Variants in CBLN2 observed in about 807,000 individuals in gnomAD.
CBLN2 encodes the protein cerebellin 2 precursor, also known as cerebellin-2.
Under a neutral mutation model 15.0 loss-of-function variants are expected in CBLN2, and 7 were observed. The observed-to-expected ratio is 0.47, with a 90% CI of 0.27 to 0.88. The LOEUF (loss-of-function observed/expected upper bound fraction) is 0.88, where lower values mean the gene tolerates loss of function less well. Ranked by LOEUF, CBLN2 falls within the 40% of genes least tolerant of loss-of-function variation. CBLN2 has a pLI of 0.14. For synonymous variants in CBLN2, 149 were observed against 135.2 expected, an observed-to-expected ratio of 1.10 and a Z score of -0.71; for missense variants, 242 against 304.5, an observed-to-expected ratio of 0.79 and a Z score of 1.53.
chr18:72,597,616 C>T (rs1251144521), intron 1 of CBLN2, among the ~76,000 whole-genome samples: 1 of 152,200 alleles, frequency 6.6e-6, no homozygotes, highest in African/African-American at 2.4e-5. Flanking sequence ...GGCTCATGTC[C>T]TTCTCTTCAG....
exon 1 of CBLN2, chr18:72,638,477 C>T (rs1043869425): frequency 2.3e-5 from 9 of 396,138 alleles, no homozygotes; most frequent in South Asian, 1.4e-4. Context: ...CACTGACGGA[C>T]GCAAAGTCCT....
chr18:72,606,978 A>G (rs1199137262), intron 1 of CBLN2, among the ~76,000 whole-genome samples: 1 of 152,220 alleles, frequency 6.6e-6, no homozygotes, highest in African/African-American at 2.4e-5. Context: ...TAATCCCCAG[A>G]ACCTTGGAAT....
At chr18:72,589,640 A>G (rs115333196) in intron 1 of CBLN2, among the ~76,000 whole-genome samples, 43 of 152,348 alleles carry the variant, frequency 2.8e-4, no homozygotes, top group African/African-American at 1.0e-3. Flanking sequence ...GGATGACTCT[A>G]TGAGAACAAT....
chr18:72,551,528 C>G (rs2069191783), intron 1 of CBLN2, among the ~76,000 whole-genome samples: 1 of 152,134 alleles, frequency 6.6e-6, no homozygotes, highest in Non-Finnish European at 1.5e-5. Flanking sequence ...GTCACTAAGT[C>G]TTCAGAAATG....
intron 1 of CBLN2, among the ~76,000 whole-genome samples, chr18:72,631,250 T>A: frequency 6.6e-6 from 1 of 152,178 alleles, no homozygotes; most frequent in East Asian, 1.9e-4. Context: ...TCAGGTGCTA[T>A]TTATGGCAGT....
At chr18:72,542,654 G>C (rs1158064032) in intron 2 of CBLN2, among the ~76,000 whole-genome samples, 1 of 152,062 alleles carries the variant, frequency 6.6e-6, no homozygotes, top group Non-Finnish European at 1.5e-5. Flanking sequence ...CAGCGCGGAG[G>C]GGGCTAAGAC....
upstream of CBLN2, among the ~76,000 whole-genome samples, chr18:72,544,973 C>CTAATAATAATAATAA (rs3841257): frequency 1.8e-3 from 261 of 147,258 alleles, no homozygotes; most frequent in Middle Eastern, 3.6e-3. Flanking sequence ...TTCTGATAGG[C>CTAATAATAATAATAA]TAATAATAAT....
Position 72,542,162 on chromosome 18 carries a change from G to C in CBLN2, c.-2C>G, listed in dbSNP as rs1444171033. The C allele has an allele frequency of 3.0e-5, 37 of 1,251,908 alleles. No individual in the cohort carries two copies. The highest frequency in any genetic ancestry group is 6.3e-5 in the African/African-American group (4 of 63,726). The allele number at this position is 1,251,908 out of a possible 1,614,324, so 77.5% of individuals were successfully genotyped here. A position where few individuals can be genotyped will look rare whatever the true frequency, so the allele number is the denominator to read the frequency against. ...TGGCCCCCGGCCGGGCGCCTGCATC[G>C]GGACTGGTGGGAGGCGGCGCGCGGG... On this transcript the variant is annotated 5_prime_UTR_variant, in exon 3 of 5. Transcript: ENST00000269503.
chr18:72,587,027 A>G (rs533360777), intron 1 of CBLN2, among the ~76,000 whole-genome samples: 1 of 152,180 alleles, frequency 6.6e-6, no homozygotes, highest in East Asian at 1.9e-4. Context: ...TGATTTTTTT[A>G]TATGGAAATC....
intron 1 of CBLN2, among the ~76,000 whole-genome samples, chr18:72,581,222 G>A (rs969619014): frequency 1.3e-5 from 2 of 152,020 alleles, no homozygotes; most frequent in Admixed American, 6.6e-5. Flanking sequence ...CTTTTTTAAC[G>A]TGTGTCAGAA....
At chr18:72,625,943 T>C (rs2069736437) in intron 1 of CBLN2, among the ~76,000 whole-genome samples, 1 of 150,954 alleles carries the variant, frequency 6.6e-6, no homozygotes, top group African/African-American at 2.4e-5. Context: ...CTTGGCAAAG[T>C]TGTGCAGAAA....
At position 72,537,766 on chromosome 18, in the gene CBLN2, G is replaced by T. The variant is rs565321983; in HGVS notation, c.*410C>A. 3.8e-6 allele frequency: 1 copy of T among 266,500 alleles called. No homozygotes were observed. The highest frequency in any genetic ancestry group is 9.9e-5 in the East Asian group (1 of 10,142). The allele number at this position is 266,500 out of a possible 1,614,324, so 16.5% of individuals were successfully genotyped here. A position where few individuals can be genotyped will look rare whatever the true frequency, so the allele number is the denominator to read the frequency against. On this transcript the variant is annotated 3_prime_UTR_variant, in exon 5 of 5. Coordinates refer to ENST00000269503, the MANE Select transcript of CBLN2 (RefSeq NM_182511.4). Reference sequence around the variant, plus strand: ...CTGTCCAGCAGGTGGTTCTTTGCTGGGCTCCTACTTCAAGCCCTGACTGCA... The same window carrying T: ...CTGTCCAGCAGGTGGTTCTTTGCTGTGCTCCTACTTCAAGCCCTGACTGCA...
chr18:72,608,480 A>G (rs1464778122), intron 1 of CBLN2, among the ~76,000 whole-genome samples: 1 of 152,214 alleles, frequency 6.6e-6, no homozygotes, highest in Non-Finnish European at 1.5e-5. Context: ...TTAAACCTTC[A>G]TAAATTCAGT....
chr18:72,571,848 G>T (rs1464768527), intron 1 of CBLN2, among the ~76,000 whole-genome samples: 1 of 152,056 alleles, frequency 6.6e-6, no homozygotes, highest in Non-Finnish European at 1.5e-5. Context: ...CTCGAGAGAC[G>T]ATTTTTTTTG....
intron 1 of CBLN2, among the ~76,000 whole-genome samples, chr18:72,613,500 A>ATTC (rs61431730): frequency 0.53 from 80,536 of 151,976 alleles, 25,728 homozygotes; most frequent in Non-Finnish European, 0.72. Flanking sequence ...TTTAGTTGAA[A>ATTC]GATTAACCTG....
At chr18:72,554,318 A>C (rs2144885147) in intron 1 of CBLN2, among the ~76,000 whole-genome samples, 1 of 152,258 alleles carries the variant, frequency 6.6e-6, no homozygotes, top group South Asian at 2.1e-4. Flanking sequence ...GAGAAAAATA[A>C]ACATTTTCTT....
At chr18:72,611,403 G>A (rs2144954575) in intron 1 of CBLN2, among the ~76,000 whole-genome samples, 1 of 152,202 alleles carries the variant, frequency 6.6e-6, no homozygotes, top group East Asian at 1.9e-4. Context: ...TCACCAGCAT[G>A]TACTTTTCTT....
intron 1 of CBLN2, among the ~76,000 whole-genome samples, chr18:72,590,803 C>A (rs946324632): frequency 6.6e-6 from 1 of 152,124 alleles, no homozygotes; most frequent in African/African-American, 2.4e-5. Context: ...TTACTAATTA[C>A]CTGAGCAGCT....
At chr18:72,588,990 T>C (rs1441178206) in intron 1 of CBLN2, among the ~76,000 whole-genome samples, 1 of 152,198 alleles carries the variant, frequency 6.6e-6, no homozygotes. Flanking sequence ...TAGAAAACAT[T>C]ATTTGGCATG....
Sources: allele counts gnomAD v4.1 joint callset (sites outside exome capture counted in the v4.1 genomes callset), GRCh38; gene constraint gnomAD v4.1.1; transcripts MANE v1.5; gene names NCBI Gene and HGNC (gene_info 2026-07-23, HGNC 2026-07-21).